PRMT3: variants seen among roughly 807,000 people sequenced by gnomAD.
PRMT3 encodes protein arginine methyltransferase 3, also known as protein arginine N-methyltransferase 3.
Under a neutral mutation model 71.9 loss-of-function variants are expected in PRMT3, and 62 were observed. That is an observed-to-expected ratio of 0.86 (90% confidence interval 0.70 to 1.07). The LOEUF (loss-of-function observed/expected upper bound fraction) is 1.07. Ranked by LOEUF, PRMT3 falls within the 50% of genes least tolerant of loss-of-function variation. PRMT3 has a pLI of 0.00. For synonymous variants in PRMT3, 213 were observed against 220.4 expected, an observed-to-expected ratio of 0.97 and a Z score of 0.30; for missense variants, 663 against 643.0, an observed-to-expected ratio of 1.03 and a Z score of -0.34.
intron 10 of PRMT3, among the ~76,000 whole-genome samples, chr11:20,429,552 A>G (rs752698986): frequency 8.5e-5 from 13 of 152,242 alleles, no homozygotes; most frequent in Non-Finnish European, 1.8e-4. Flanking sequence ...CTGAGATGAA[A>G]GGAGCCAGTT....
intron 10 of PRMT3, among the ~76,000 whole-genome samples, chr11:20,450,909 A>G (rs934074290): frequency 4.6e-5 from 7 of 152,202 alleles, no homozygotes; most frequent in Admixed American, 2.6e-4. Context: ...GGATGAGAAC[A>G]GTTTTGATAT....
chr11:20,436,783 A>G (rs934684575), intron 10 of PRMT3, among the ~76,000 whole-genome samples: 1 of 151,838 alleles, frequency 6.6e-6, no homozygotes, highest in Admixed American at 6.6e-5. Context: ...TGTTATCTAT[A>G]TAATGCTAAC....
At chr11:20,409,072 G>A (rs775206609) in intron 9 of PRMT3, among the ~76,000 whole-genome samples, 1 of 152,054 alleles carries the variant, frequency 6.6e-6, no homozygotes, top group Non-Finnish European at 1.5e-5. Flanking sequence ...ACTCCAGCCT[G>A]GGTGACAGAG....
chr11:20,407,104 C>T (rs1849088092), intron 8 of PRMT3: 1 of 152,182 alleles, frequency 6.6e-6, no homozygotes, highest in South Asian at 2.1e-4. Context: ...ATGGTGTCAC[C>T]AGTTGTGCTG....
intron 7 of PRMT3, among the ~76,000 whole-genome samples, chr11:20,400,613 C>G (rs1440868424): frequency 6.6e-6 from 1 of 152,132 alleles, no homozygotes; most frequent in Non-Finnish European, 1.5e-5. Context: ...TTTATTGTAT[C>G]TGCACCTGTC....
intron 10 of PRMT3, among the ~76,000 whole-genome samples, chr11:20,441,317 A>ATT (rs1565213845): frequency 1.5e-5 from 2 of 133,532 alleles, no homozygotes; most frequent in Non-Finnish European, 3.2e-5. Flanking sequence ...ATTTATTTAT[A>ATT]TATTTTGAGA....
intron 13 of PRMT3, among the ~76,000 whole-genome samples, chr11:20,473,223 ATCT>A (rs1565227852): frequency 1.3e-5 from 2 of 151,412 alleles, no homozygotes; most frequent in African/African-American, 4.9e-5. Context: ...TTGTGTCTCT[ATCT>A]TCTTCACTTC....
chr11:20,500,268 A>G (rs1173559340), intron 15 of PRMT3, among the ~76,000 whole-genome samples: 1 of 152,210 alleles, frequency 6.6e-6, no homozygotes, highest in Non-Finnish European at 1.5e-5. Context: ...GAAAACTTAA[A>G]TAATGGAGAG....
At chr11:20,471,463 T>C (rs1186003629) in intron 13 of PRMT3, among the ~76,000 whole-genome samples, 1 of 152,160 alleles carries the variant, frequency 6.6e-6, no homozygotes, top group Non-Finnish European at 1.5e-5. Flanking sequence ...CACCATTTAT[T>C]AGAGACTCCT....
chr11:20,461,440 G>A (rs1836249096), intron 11 of PRMT3, among the ~76,000 whole-genome samples: 1 of 152,136 alleles, frequency 6.6e-6, no homozygotes, highest in Non-Finnish European at 1.5e-5. Context: ...TGAGGATAGT[G>A]ATATGTGTCC....
intron 13 of PRMT3, among the ~76,000 whole-genome samples, chr11:20,475,046 G>A (rs1037482340): frequency 2.6e-5 from 4 of 152,164 alleles, no homozygotes; most frequent in African/African-American, 9.7e-5. Context: ...GGGGTAGGCT[G>A]CAAGCTGGGA....
intron 7 of PRMT3, among the ~76,000 whole-genome samples, 185 bp downstream of exon 7, chr11:20,397,906 G>C (rs1848863293): frequency 6.6e-6 from 1 of 151,086 alleles, no homozygotes; most frequent in African/African-American, 2.4e-5. Context: ...GGGCACGGTG[G>C]CACATGCCTG....
chr11:20,422,886 A>G (rs1425330865), intron 9 of PRMT3, among the ~76,000 whole-genome samples: 1 of 152,204 alleles, frequency 6.6e-6, no homozygotes, highest in Non-Finnish European at 1.5e-5. Flanking sequence ...AGTAGGGATC[A>G]ACCTGGCACA....
intron 13 of PRMT3, among the ~76,000 whole-genome samples, chr11:20,490,138 C>A (rs897127471): frequency 3.3e-5 from 5 of 151,578 alleles, no homozygotes; most frequent in African/African-American, 1.2e-4. Flanking sequence ...TATCTGCACA[C>A]AGTTTGAATT....
chr11:20,399,887 G>T (rs1848912267), intron 7 of PRMT3, among the ~76,000 whole-genome samples: 1 of 152,176 alleles, frequency 6.6e-6, no homozygotes, highest in African/African-American at 2.4e-5. Flanking sequence ...CTCCCTTTGA[G>T]AGAATCACTT....
At chr11:20,445,196 T>G (rs1849997783) in intron 10 of PRMT3, among the ~76,000 whole-genome samples, 1 of 152,132 alleles carries the variant, frequency 6.6e-6, no homozygotes, top group African/African-American at 2.4e-5. Flanking sequence ...CAGTTTCACT[T>G]TTTCTTTGCA....
At chr11:20,406,945 G>A (rs1162351735) in intron 8 of PRMT3, 2 of 152,176 alleles carry the variant, frequency 1.3e-5, no homozygotes, top group African/African-American at 4.8e-5. Flanking sequence ...TATATCCAAT[G>A]TAAGAATGTC....
At chr11:20,425,512 A>AATGTAT (rs1188927511) in intron 9 of PRMT3, among the ~76,000 whole-genome samples, 1 of 152,244 alleles carries the variant, frequency 6.6e-6, no homozygotes, top group Non-Finnish European at 1.5e-5. Context: ...TACACAGGTG[A>AATGTAT]ATGTATAAAC....
intron 15 of PRMT3, 139 bp downstream of exon 15, chr11:20,494,393 C>G (rs998681045): frequency 2.8e-5 from 21 of 747,342 alleles, no homozygotes; most frequent in Middle Eastern, 3.9e-4. Context: ...GGCTGGAGAA[C>G]AGTGATCTCG....
Sources: allele counts gnomAD v4.1 joint callset (sites outside exome capture counted in the v4.1 genomes callset), GRCh38; gene constraint gnomAD v4.1.1; transcripts MANE v1.5; gene names NCBI Gene and HGNC (gene_info 2026-07-23, HGNC 2026-07-21).